MEP1B: variants seen among roughly 807,000 people sequenced by gnomAD.
The protein encoded by MEP1B is N-benzoyl-L-tyrosyl-P-amino-benzoic acid hydrolase subunit beta.
A neutral mutation model predicts 84.6 loss-of-function variants in MEP1B; 80 were observed. That is an observed-to-expected ratio of 0.95 (90% confidence interval 0.79 to 1.14). The LOEUF (loss-of-function observed/expected upper bound fraction) is 1.14, where lower values mean the gene tolerates loss of function less well. Ranked by LOEUF, MEP1B falls within the 50% of genes most tolerant of loss-of-function variation. MEP1B has a pLI of 0.00. For missense variants in MEP1B, 766 were observed against 855.1 expected, an observed-to-expected ratio of 0.90 and a Z score of 1.30; for synonymous variants, 273 against 288.1, an observed-to-expected ratio of 0.95 and a Z score of 0.53.
In MEP1B at chr18:32,207,182, G is replaced by A. The variant is rs960170949; in HGVS notation, c.548-70G>A. 8 of 977,346 alleles carry A rather than the reference G, an allele frequency of 8.2e-6. No individual in the cohort carries two copies. In the Admixed American group the frequency reaches 1.3e-4, roughly 16 times the overall value. The allele number at this position is 977,346 out of a possible 1,614,324, so 60.5% of individuals were successfully genotyped here. On this transcript the variant is annotated intron_variant, in intron 7 of 14. Coordinates refer to ENST00000269202, the MANE Select transcript of MEP1B (RefSeq NM_005925.3). ...TTTATTATATTCTCCATTTCTAAGT[G>A]AGCAGTATTTGGAGTAAGATAAGCT...
rs2040812313 is a variant in MEP1B at position 32,192,552 on chromosome 18, G to T, written c.83-94G>T. The T allele has an allele frequency of 2.6e-6, 3 of 1,172,838 alleles. No individual in the cohort carries two copies. In the African/African-American group the frequency reaches 4.6e-5, roughly 18 times the overall value. The allele number at this position is 1,172,838 out of a possible 1,614,324, so 72.7% of individuals were successfully genotyped here. A position where few individuals can be genotyped will look rare whatever the true frequency, so the allele number is the denominator to read the frequency against. ...ATCTAGTAGTCACCTGAGGCCAAAA[G>T]AAACTTGCTTAGTTCTGATTATATA... On this transcript the variant is annotated intron_variant, in intron 2 of 14. Transcript: ENST00000269202.
In MEP1B at chr18:32,196,241, C is replaced by G. The variant is rs548698581; in HGVS notation, c.250+756C>G. On this transcript the variant is annotated intron_variant, in intron 5 of 14. Coordinates refer to ENST00000269202, the MANE Select transcript of MEP1B (RefSeq NM_005925.3). The surrounding 1 kb of genome is among the most constrained non-coding windows in gnomAD (Gnocchi z 4.4). Reference sequence around the variant, plus strand: ...GGAATGAAGAGGATGCCATTGATGCCTTTGAACTGCTCCAAGACGCTGGCC... The same window carrying G: ...GGAATGAAGAGGATGCCATTGATGCGTTTGAACTGCTCCAAGACGCTGGCC... The G allele has an allele frequency of 2.7e-5, 19 of 701,186 alleles. No individual in the cohort carries two copies. The South Asian group carries it at 2.8e-4, about 10-fold the overall frequency. The allele number at this position is 701,186 out of a possible 1,614,324, so 43.4% of individuals were successfully genotyped here.
Position 32,190,045 on chromosome 18 carries a change from A to G in MEP1B, c.-26A>G. 1 of 1,594,994 alleles carries G rather than the reference A, an allele frequency of 6.3e-7. No homozygotes were observed. The highest frequency in any genetic ancestry group is 8.6e-7 in the Non-Finnish European group (1 of 1,163,936). On this transcript the variant is annotated 5_prime_UTR_variant, in exon 1 of 15. Coordinates refer to ENST00000269202, the MANE Select transcript of MEP1B (RefSeq NM_005925.3). ...CAATTCAACCCTGAATGTCATAGTT[A>G]GCTACTTTCAACTGGAAGCTACAAC...
rs79572915 is a variant in MEP1B, at chr18:32,207,575, T to C, written c.766+105T>C. On this transcript the variant is annotated intron_variant, in intron 8 of 14. Transcript: ENST00000269202. ...AGCATTGGTGGGGTTTCTGCGATTATAGAGATTTGATATTCAGGAAATAAA... is the reference window on the plus strand; with the variant it reads ...AGCATTGGTGGGGTTTCTGCGATTACAGAGATTTGATATTCAGGAAATAAA... 2.1e-3 allele frequency: 1,542 copies of C among 740,346 alleles called. 23 individuals are homozygous for C. In the African/African-American group the frequency reaches 0.022, roughly 11 times the overall value. The allele number at this position is 740,346 out of a possible 1,614,324, so 45.9% of individuals were successfully genotyped here. A position where few individuals can be genotyped will look rare whatever the true frequency, so the allele number is the denominator to read the frequency against.
rs1037897565 is a variant in MEP1B at position 32,196,516 on chromosome 18, G to A, written c.250+1031G>A. 1.0e-5 allele frequency: 7 copies of A among 696,324 alleles called. No homozygotes were observed. The African/African-American group carries it at 1.0e-4, about 10-fold the overall frequency. The allele number at this position is 696,324 out of a possible 1,614,324, so 43.1% of individuals were successfully genotyped here. ...CTCTCATAGACCGAGGTGATGAGGT[G>A]GTGGCCAAGGGCCACCTTGAGAGCT... On this transcript the variant is annotated intron_variant, in intron 5 of 14. Coordinates refer to ENST00000269202, the MANE Select transcript of MEP1B (RefSeq NM_005925.3). The surrounding 1 kb of genome is among the most constrained non-coding windows in gnomAD (Gnocchi z 4.4).
At chr18:32,216,225 A>T (rs9748763) in intron 12 of MEP1B, among the ~76,000 whole-genome samples, 5,346 of 152,074 alleles carry the variant, frequency 0.035, 325 homozygotes, top group African/African-American at 0.12. Context: ...AAACCCACAA[A>T]ATTTTGACTC....
chr18:32,195,861 C>A (rs181584647), intron 5 of MEP1B, among the ~76,000 whole-genome samples: 3 of 152,242 alleles, frequency 2.0e-5, no homozygotes, highest in East Asian at 3.9e-4. Flanking sequence ...ACAGGCCAGG[C>A]CAGGGTCCCA....
At position 32,195,410 on chromosome 18, in the gene MEP1B, C is replaced by G; in HGVS notation, c.175C>G (p.Gln59Glu). ...CTTTTGCATTTATTTTTGACAGGCACAAATTAGAAATTCCATCATTGGAGA... is the reference window on the plus strand; with the variant it reads ...CTTTTGCATTTATTTTTGACAGGCAGAAATTAGAAATTCCATCATTGGAGA... ...FEGDIRLDRA[Q>E]IRNSIIGEKY... is the part of the protein sequence containing the mutation. Residue 59 changes from glutamine to glutamate, a missense_variant, in exon 5 of 15, where the codon CAA becomes GAA. Transcript: ENST00000269202. 1 of 1,605,930 alleles carries G rather than the reference C, an allele frequency of 6.2e-7. No homozygotes were observed. Among genetic ancestry groups the G allele is most frequent in the East Asian group, 2.2e-5 (1 of 44,788 alleles).
At chr18:32,195,070 C>T (rs951871655) in intron 4 of MEP1B, among the ~76,000 whole-genome samples, 3 of 152,156 alleles carry the variant, frequency 2.0e-5, no homozygotes, top group African/African-American at 7.2e-5. Context: ...TTATCAAGGT[C>T]TTGCTATCAC....
intron 5 of MEP1B, among the ~76,000 whole-genome samples, chr18:32,197,998 G>A (rs1327016584): frequency 6.6e-6 from 1 of 152,248 alleles, no homozygotes; most frequent in African/African-American, 2.4e-5. Flanking sequence ...TGGAAACCCT[G>A]CTATTTTTCT....
rs2041107476 is a variant in MEP1B, at chr18:32,217,790, T to C, written c.1916T>C (p.Met639Thr). ...CAGTCAGGGGAAGACTGGTGGTACA[T>C]GGGAGAAAGGTGTGAAAAGAGAGGC... is the stretch of plus-strand genomic sequence containing the variant. ...RCQSGEDWWY[M>T]GERCEKRGST... Residue 639 changes from methionine (M) to threonine (T), a missense_variant, in exon 14 of 15, where the codon ATG becomes ACG. Coordinates refer to ENST00000269202, the MANE Select transcript of MEP1B (RefSeq NM_005925.3). 1 of 1,613,774 alleles carries C rather than the reference T, an allele frequency of 6.2e-7. No individual in the cohort carries two copies.
Position 32,215,254 on chromosome 18 carries a change from A to G in MEP1B, c.1752A>G (p.Thr584=), listed in dbSNP as rs375837181. ...IKGDDVYILL[T]VEDISHLNST... ...GAGATGATGTTTATATCCTACTGAC[A>G]GTGGAAGGTATGTCAATAAAAATAG... The change falls in exon 12 of 15, where the codon ACA becomes ACG. Residue 584 remains threonine, a synonymous_variant. Coordinates refer to ENST00000269202, the MANE Select transcript of MEP1B (RefSeq NM_005925.3). The G allele has an allele frequency of 3.2e-6, 5 of 1,565,610 alleles. No individual in the cohort carries two copies. In the East Asian group the frequency reaches 9.0e-5, roughly 28 times the overall value.
At chr18:32,203,747 G>T (rs912068807) in intron 6 of MEP1B, among the ~76,000 whole-genome samples, 1 of 152,174 alleles carries the variant, frequency 6.6e-6, no homozygotes, top group African/African-American at 2.4e-5. Flanking sequence ...CATCTGCTCA[G>T]CTTTTGGGGA....
chr18:32,204,719 C>T (rs2040947168), intron 7 of MEP1B, among the ~76,000 whole-genome samples: 1 of 152,114 alleles, frequency 6.6e-6, no homozygotes, highest in South Asian at 2.1e-4. Flanking sequence ...TTATAAAGAA[C>T]TGAAATTTAT....
intron 5 of MEP1B, among the ~76,000 whole-genome samples, chr18:32,200,427 C>T (rs1464837812): frequency 6.6e-6 from 1 of 151,796 alleles, no homozygotes; most frequent in Non-Finnish European, 1.5e-5. Context: ...TTGATTATTT[C>T]TTATTTAGAA....
Position 32,196,246 on chromosome 18 carries a change from AAC to A in MEP1B, c.250+762_250+763del, listed in dbSNP as rs565432823. The A allele has an allele frequency of 2.8e-3, 1,989 of 703,898 alleles. 33 individuals carry two copies. The African/African-American group carries it at 0.031, about 11-fold the overall frequency. 43.6% of individuals were successfully genotyped at this position (703,898 alleles called of 1,614,324 possible). A position where few individuals can be genotyped will look rare whatever the true frequency, so the allele number is the denominator to read the frequency against. ...GAAGAGGATGCCATTGATGCCTTTG[AAC>A]TGCTCCAAGACGCTGGCCATGCTGG... On this transcript the variant is annotated intron_variant, in intron 5 of 14. Transcript: ENST00000269202. This position sits in a 1 kb window ranked among gnomAD's most constrained non-coding sequence, Gnocchi z 4.4.
intron 5 of MEP1B, among the ~76,000 whole-genome samples, chr18:32,198,194 T>C (rs980534906): frequency 6.6e-6 from 1 of 152,224 alleles, no homozygotes; most frequent in South Asian, 2.1e-4. Context: ...AGGACTGCCA[T>C]GAAGACTGTG....
chr18:32,207,113 G>A (rs538458302), intron 7 of MEP1B, 139 bp from the exon 8 acceptor site: 2 of 612,680 alleles, frequency 3.3e-6, no homozygotes, highest in Non-Finnish European at 5.8e-6. Flanking sequence ...ATTGTAAGAT[G>A]GGAATAATGA....
At position 32,207,253 on chromosome 18, in the gene MEP1B, C is replaced by A; in HGVS notation, c.549C>A (p.Gly183=). 1 of 1,596,950 alleles carries A rather than the reference C, an allele frequency of 6.3e-7. No individual in the cohort carries two copies. The highest frequency in any genetic ancestry group is 1.1e-5 in the South Asian group (1 of 90,068). ...VRIMWDRILS[G]REHNFNTYSD... is the part of the protein sequence containing the mutation. ...AAAGATTTTTTATTTATCCTTTAGGCAGAGAGCACAATTTTAACACCTATA... is the reference window on the plus strand; with the variant it reads ...AAAGATTTTTTATTTATCCTTTAGGAAGAGAGCACAATTTTAACACCTATA... Residue 183 remains glycine, a splice_region_variant and synonymous_variant, in exon 8 of 15, where the codon GGC becomes GGA. Transcript: ENST00000269202.
Sources: allele counts gnomAD v4.1 joint callset (sites outside exome capture counted in the v4.1 genomes callset), GRCh38; gene constraint gnomAD v4.1.1; non-coding constraint Gnocchi (gnomAD v3.1); transcripts MANE v1.5; gene names NCBI Gene and HGNC (gene_info 2026-07-23, HGNC 2026-07-21).